Variants in IDI2 observed in about 807,000 individuals in gnomAD.
IDI2 encodes isopentenyl-diphosphate delta-isomerase 2.
IDI2 carries 18 observed loss-of-function variants against 14.8 expected under a neutral mutation model. The observed-to-expected ratio is 1.22, with a 90% confidence interval of 0.84 to 1.80. The LOEUF (loss-of-function observed/expected upper bound fraction) is 1.80. Ranked by LOEUF, IDI2 falls within the 40% of genes most tolerant of loss-of-function variation. IDI2 has a pLI of 0.00. For synonymous variants in IDI2, 133 were observed against 109.6 expected, an observed-to-expected ratio of 1.21 and a Z score of -1.33; for missense variants, 316 against 283.2, an observed-to-expected ratio of 1.12 and a Z score of -0.83.
intron 3 of IDI2, among the ~76,000 whole-genome samples, chr10:1,021,631 G>A (rs1168160946): frequency 6.6e-6 from 1 of 152,152 alleles, no homozygotes; most frequent in African/African-American, 2.4e-5. Flanking sequence ...TTAGCTCCAG[G>A]GGCTTTATTT....
intron 2 of IDI2, among the ~76,000 whole-genome samples, 184 bp downstream of exon 2, chr10:1,024,398 G>A (rs547485684): frequency 6.6e-6 from 1 of 152,328 alleles, no homozygotes; most frequent in East Asian, 1.9e-4. Flanking sequence ...ACAAGGGCTT[G>A]ACCAAGCAAA....
At chr10:1,024,140 C>T (rs1832168501) in intron 2 of IDI2, among the ~76,000 whole-genome samples, 1 of 152,148 alleles carries the variant, frequency 6.6e-6, no homozygotes, top group African/African-American at 2.4e-5. Flanking sequence ...AAGGAGCAGG[C>T]TGGGGCCTAT....
chr10:1,024,640 A>C lies in IDI2; in HGVS notation c.84T>G (p.Asp28Glu). The change falls in exon 2 of 5, where the codon GAT becomes GAG. Residue 28 changes from aspartate (D) to glutamate (E), a missense_variant. Physicochemically the swap from Asp to Glu is conservative, Grantham distance 45 (BLOSUM62 2). Coordinates refer to ENST00000277517, the MANE Select transcript of IDI2 (RefSeq NM_033261.3). ...EEMLIVVDEN[D>E]KVIGADTKRN... ...TCTTGGTGTCGGCACCAATAACCTT[A>C]TCATTCTCATCCACAACAATCAGCA... 6.2e-7 allele frequency: 1 copy of C among 1,614,102 alleles called. No individual in the cohort carries two copies. Among genetic ancestry groups the C allele is most frequent in the Admixed American group, 1.7e-5 (1 of 60,020 alleles).
In IDI2 at chr10:1,019,462, G is replaced by A. The variant is rs1832049679; in HGVS notation, c.*55C>T. On this transcript the variant is annotated 3_prime_UTR_variant, in exon 5 of 5. Coordinates refer to ENST00000277517, the MANE Select transcript of IDI2 (RefSeq NM_033261.3). ...GAGAGGGTGTATCATTGCCTCAATGGTGCGTCTGCCTGCACTGAGGGCATT... is the reference window on the plus strand; with the variant it reads ...GAGAGGGTGTATCATTGCCTCAATGATGCGTCTGCCTGCACTGAGGGCATT... 1 of 1,415,576 alleles carries A rather than the reference G, an allele frequency of 7.1e-7. No individual in the cohort carries two copies. The highest frequency in any genetic ancestry group is 1.3e-5 in the South Asian group (1 of 75,212). The allele number at this position is 1,415,576 out of a possible 1,614,324, so 87.7% of individuals were successfully genotyped here.
Position 1,019,553 on chromosome 10 carries a change from G to C in IDI2, c.648C>G (p.Thr216=), listed in dbSNP as rs564510161. ...GTATTTTGTGAAGCTCCACAAACGG[G>C]GTCACGTCATCCAGGTGAGGCCACC... is the stretch of plus-strand genomic sequence containing the variant. ...YRWWPHLDDV[T]PFVELHKIHR... Residue 216 remains threonine, a synonymous_variant, in exon 5 of 5, where the codon ACC becomes ACG. Coordinates refer to ENST00000277517, the MANE Select transcript of IDI2 (RefSeq NM_033261.3). 1.2e-6 allele frequency: 2 copies of C among 1,613,644 alleles called. No homozygotes were observed. The highest frequency in any genetic ancestry group is 1.7e-5 in the Admixed American group (1 of 59,960).
chr10:1,024,453 A>G, intron 2 of IDI2, 129 bp downstream of exon 2: 1 of 974,592 alleles, frequency 1.0e-6, no homozygotes, highest in Non-Finnish European at 1.5e-6. Context: ...AAGACGGCAC[A>G]GCAAGCACAC....
intron 1 of IDI2, among the ~76,000 whole-genome samples, 182 bp downstream of exon 1, chr10:1,025,634 G>A (rs148136802): frequency 1.1e-3 from 162 of 151,606 alleles, no homozygotes; most frequent in African/African-American, 3.6e-3. Flanking sequence ...ATGCATTCAC[G>A]TCTGTCCATT....
chr10:1,023,833 A>G (rs1318762593), intron 2 of IDI2, among the ~76,000 whole-genome samples: 1 of 152,254 alleles, frequency 6.6e-6, no homozygotes, highest in Non-Finnish European at 1.5e-5. Context: ...AATGTTCCCA[A>G]CACAAAGATA....
chr10:1,021,934 G>T lies in IDI2; in HGVS notation c.235+749C>A, dbSNP rs372069977. 2.0e-5 allele frequency among the ~76,000 whole-genome samples: 3 copies of T among 152,270 alleles called. No individual in the cohort carries two copies. In the East Asian group the frequency reaches 5.8e-4, roughly 29 times the overall value. On this transcript the variant is annotated intron_variant, in intron 3 of 4. Transcript: ENST00000277517. ...CAGCCTAGGCCAAAACACTTTAAAT[G>T]ACCACAATTGACGTAAATGCTGTTC...
rs1832056585 is a variant in IDI2, at chr10:1,019,705, T to C, written c.496A>G (p.Ser166Gly). ...RKNVTLNPDP[S>G]ETKSILYLSQ... Reference sequence around the variant, plus strand: ...AGGTAGAGGATGCTTTTCGTTTCACTGGGATCCGGGTTCAGAGTGACGTTT... The same window carrying C: ...AGGTAGAGGATGCTTTTCGTTTCACCGGGATCCGGGTTCAGAGTGACGTTT... Residue 166 changes from serine to glycine, a missense_variant, in exon 5 of 5, where the codon AGT becomes GGT. Transcript: ENST00000277517. 6.2e-7 allele frequency: 1 copy of C among 1,614,086 alleles called. No homozygotes were observed. The highest frequency in any genetic ancestry group is 1.3e-5 in the African/African-American group (1 of 75,026).
Position 1,019,645 on chromosome 10 carries a change from C to G in IDI2, c.556G>C (p.Glu186Gln). 6.2e-7 allele frequency: 1 copy of G among 1,614,056 alleles called. No homozygotes were observed. The highest frequency in any genetic ancestry group is 8.5e-7 in the Non-Finnish European group (1 of 1,180,022). Reference protein sequence around the residue: ...QEELWELLEREARGEVKVTPW... With the variant: ...QEELWELLERQARGEVKVTPW... ...GTGACTTTGACTTCACCCCTCGCCT[C>G]CCTCTCCAGCAGCTCCCACAGCTCC... The change falls in exon 5 of 5, where the codon GAG becomes CAG. Residue 186 changes from glutamate (E) to glutamine (Q), a missense_variant. By Grantham distance (29) the Glu-to-Gln change is conservative. Transcript: ENST00000277517.
intron 1 of IDI2, among the ~76,000 whole-genome samples, chr10:1,025,046 A>T (rs959653497): frequency 8.4e-6 from 1 of 119,252 alleles, no homozygotes; most frequent in Non-Finnish European, 1.8e-5. Flanking sequence ...ACACACACAC[A>T]CACACAAAAC....
chr10:1,019,377 G>T lies in IDI2; in HGVS notation c.*140C>A. On this transcript the variant is annotated 3_prime_UTR_variant, in exon 5 of 5. Transcript: ENST00000277517. Reference sequence around the variant, plus strand: ...GAAGATATGACAAAGTTGATGAAAAGGTTGAAATAGTGATTTATACATGAT... The same window carrying T: ...GAAGATATGACAAAGTTGATGAAAATGTTGAAATAGTGATTTATACATGAT... 1 of 594,910 alleles carries T rather than the reference G, an allele frequency of 1.7e-6. No homozygotes were observed. Among genetic ancestry groups the T allele is most frequent in the Non-Finnish European group, 2.9e-6 (1 of 344,474 alleles). The allele number at this position is 594,910 out of a possible 1,614,324, so 36.9% of individuals were successfully genotyped here.
rs539888600 is a variant in IDI2, at chr10:1,019,351, T to C, written c.*166A>G. On this transcript the variant is annotated 3_prime_UTR_variant, in exon 5 of 5. Coordinates refer to ENST00000277517, the MANE Select transcript of IDI2 (RefSeq NM_033261.3). ...ATATGGAAATAAGGAAAAGGGAAAA[T>C]GAAGATATGACAAAGTTGATGAAAA... 3.4e-5 allele frequency: 19 copies of C among 554,476 alleles called. No individual in the cohort carries two copies. The highest frequency in any genetic ancestry group is 3.0e-4 in the African/African-American group (16 of 52,972). 34.3% of individuals were successfully genotyped at this position (554,476 alleles called of 1,614,324 possible).
rs756222378 is a variant in IDI2 at position 1,022,686 on chromosome 10, G to A, written c.232C>T (p.Pro78Ser). ...GGGCTTGGTTGAACGGACTCACCAG[G>A]AAACGTGACTTTCGTGTCCGACCTC... The part of the protein sequence containing the change: ...QQRSDTKVTF[P>S]GYFTDSCSSH... Residue 78 changes from proline (P) to serine (S), a missense_variant, in exon 3 of 5, where the codon CCT becomes TCT. Pro to Ser is a moderately conservative substitution (Grantham distance 74, BLOSUM62 -1). Coordinates refer to ENST00000277517, the MANE Select transcript of IDI2 (RefSeq NM_033261.3). The A allele has an allele frequency of 6.2e-7, 1 of 1,612,566 alleles. No individual in the cohort carries two copies. The highest frequency in any genetic ancestry group is 1.1e-5 in the South Asian group (1 of 91,046).
chr10:1,021,289 G>A (rs967488189), intron 3 of IDI2, among the ~76,000 whole-genome samples: 1 of 152,256 alleles, frequency 6.6e-6, no homozygotes, highest in Non-Finnish European at 1.5e-5. Context: ...CTGGGTGGCT[G>A]CACCAGCTGG....
chr10:1,019,526 G>A lies in IDI2; in HGVS notation c.675C>T (p.His225=), dbSNP rs1832050924. 7 of 1,612,312 alleles carry A rather than the reference G, an allele frequency of 4.3e-6. No homozygotes were observed. The highest frequency in any genetic ancestry group is 2.7e-5 in the African/African-American group (2 of 74,828). ...TCGACCTCCCTGCCTCTCACACTCT[G>A]TGTATTTTGTGAAGCTCCACAAACG... ...VTPFVELHKI[H]RV Residue 225 remains histidine (H), a synonymous_variant, in exon 5 of 5, where the codon CAC becomes CAT. Transcript: ENST00000277517.
intron 3 of IDI2, among the ~76,000 whole-genome samples, chr10:1,021,939 C>A (rs914840599): frequency 1.3e-5 from 2 of 152,180 alleles, no homozygotes; most frequent in Middle Eastern, 3.2e-3. Flanking sequence ...TAAATGACCA[C>A]AATTGACGTA....
At position 1,019,387 on chromosome 10, in the gene IDI2, G is replaced by C. The variant is rs149879492; in HGVS notation, c.*130C>G. 1 of 621,324 alleles carries C rather than the reference G, an allele frequency of 1.6e-6. No individual in the cohort carries two copies. Among genetic ancestry groups the C allele is most frequent in the Non-Finnish European group, 2.7e-6 (1 of 363,684 alleles). 38.5% of individuals were successfully genotyped at this position (621,324 alleles called of 1,614,324 possible). On this transcript the variant is annotated 3_prime_UTR_variant, in exon 5 of 5. Transcript: ENST00000277517. Reference sequence around the variant, plus strand: ...CAAAGTTGATGAAAAGGTTGAAATAGTGATTTATACATGATGGGCAATCAA... The same window carrying C: ...CAAAGTTGATGAAAAGGTTGAAATACTGATTTATACATGATGGGCAATCAA...
Sources: allele counts gnomAD v4.1 joint callset (sites outside exome capture counted in the v4.1 genomes callset), GRCh38; gene constraint gnomAD v4.1.1; transcripts MANE v1.5; gene names NCBI Gene and HGNC (gene_info 2026-07-23, HGNC 2026-07-21).